CARF: variants seen among roughly 807,000 people sequenced by gnomAD.
The protein encoded by CARF is calcium-responsive transcription factor.
A neutral mutation model predicts 82.0 loss-of-function variants in CARF; 57 were observed. The ratio of observed to expected loss-of-function variants is 0.70; its 90% CI spans 0.56 to 0.87. The LOEUF (loss-of-function observed/expected upper bound fraction) is 0.87, where lower values mean the gene tolerates loss of function less well. Ranked by LOEUF, CARF falls within the 40% of genes least tolerant of loss-of-function variation. The probability of loss-of-function intolerance (pLI) is 0.00; values close to 1 mark genes in which losing one functional copy is unlikely to be tolerated. For missense variants in CARF, 771 were observed against 855.8 expected (o/e 0.90, Z 1.24); for synonymous variants, 268 against 290.1 (o/e 0.92, Z 0.77).
Position 202,977,350 on chromosome 2 carries a change from C to T in CARF, c.1558+18C>T. ...TGCAGAAGGTAGGTTTTCTTGAATA[C>T]CTTTAAAATATAAATTCAAATGGTG... On this transcript the variant is annotated intron_variant, in intron 14 of 16. Transcript: ENST00000438828. 6 of 1,561,956 alleles carry T rather than the reference C, an allele frequency of 3.8e-6. No individual in the cohort carries two copies. Among genetic ancestry groups the T allele is most frequent in the Non-Finnish European group, 5.3e-6 (6 of 1,135,648 alleles).
chr2:202,942,613 G>T (rs1422584154), intron 4 of CARF, 127 bp from the exon 5 acceptor site: 17 of 1,005,494 alleles, frequency 1.7e-5, no homozygotes, highest in Non-Finnish European at 2.2e-5. Flanking sequence ...ATAGCAATTT[G>T]TGTGAATTGA....
At chr2:202,980,680 A>G (rs1484150492) in intron 14 of CARF, among the ~76,000 whole-genome samples, 9 of 114,990 alleles carry the variant, frequency 7.8e-5, no homozygotes, top group African/African-American at 2.1e-4. Flanking sequence ...CTCTGTATCT[A>G]TGGGTTCTGT....
chr2:202,981,939 C>G, intron 15 of CARF, 133 bp from the exon 16 acceptor site: 1 of 1,054,056 alleles, frequency 9.5e-7, no homozygotes, highest in Non-Finnish European at 1.3e-6. Flanking sequence ...TTGTTTCTTT[C>G]TTCATTTAAT....
At chr2:202,940,114 A>G (rs1008355351) in intron 3 of CARF, among the ~76,000 whole-genome samples, 20 of 151,886 alleles carry the variant, frequency 1.3e-4, no homozygotes, top group African/African-American at 4.8e-4. Flanking sequence ...GCTCACTGCA[A>G]CCTCCACCTC....
At position 202,964,479 on chromosome 2, in the gene CARF, C is replaced by T. The variant is rs868513728; in HGVS notation, c.833-2499C>T. Among the ~76,000 whole-genome samples the T allele has an allele frequency of 2.2e-4, 34 of 152,062 alleles. No homozygotes were observed. In the Middle Eastern group the frequency reaches 0.014, roughly 61 times the overall value. ...ATTTTTTTGGAGAGATGAGGTTTTG[C>T]CATGTTGCCTCGGCTGGTCTCAAAC... is the stretch of plus-strand genomic sequence containing the variant. On this transcript the variant is annotated intron_variant, in intron 9 of 16. Coordinates refer to ENST00000438828, the MANE Select transcript of CARF (RefSeq NM_024744.17).
intron 3 of CARF, among the ~76,000 whole-genome samples, chr2:202,931,461 A>G (rs1203293111): frequency 2.0e-5 from 3 of 152,228 alleles, no homozygotes; most frequent in Admixed American, 6.5e-5. Flanking sequence ...CCGTGTGAGC[A>G]GTTGGTGCCC....
At chr2:202,943,154 C>CAAGT (rs1376382944) in intron 5 of CARF, among the ~76,000 whole-genome samples, 187 bp downstream of exon 5, 1 of 152,174 alleles carries the variant, frequency 6.6e-6, no homozygotes, top group Non-Finnish European at 1.5e-5. Context: ...TCACTGCAAC[C>CAAGT]TCTGCCTTCC....
intron 3 of CARF, among the ~76,000 whole-genome samples, chr2:202,935,315 T>C (rs901304835): frequency 2.0e-4 from 11 of 55,620 alleles, no homozygotes; most frequent in African/African-American, 5.3e-4. Flanking sequence ...TATATTTATA[T>C]TTGTATATTT....
At chr2:202,975,254 G>C (rs2105925415) in intron 13 of CARF, among the ~76,000 whole-genome samples, 1 of 152,302 alleles carries the variant, frequency 6.6e-6, no homozygotes, top group East Asian at 1.9e-4. Flanking sequence ...AGAAGATAAA[G>C]ACCATCCTGG....
chr2:202,982,507 C>T, intron 16 of CARF, 66 bp downstream of exon 16: 1 of 1,536,960 alleles, frequency 6.5e-7, no homozygotes. Flanking sequence ...CTATATTATA[C>T]TATAGATAAA....
chr2:202,971,382 A>G (rs1054844707), intron 11 of CARF, 123 bp from the exon 12 acceptor site: 3 of 469,950 alleles, frequency 6.4e-6, no homozygotes, highest in African/African-American at 5.9e-5. Flanking sequence ...ATTTTTTCTT[A>G]AAGGATTAAT....
intron 3 of CARF, among the ~76,000 whole-genome samples, chr2:202,926,449 A>G (rs1401292145): frequency 2.0e-5 from 3 of 152,174 alleles, no homozygotes; most frequent in Admixed American, 2.0e-4. Flanking sequence ...TATTCTGTCC[A>G]TTGATCTATT....
At chr2:202,930,998 G>A (rs148717358) in intron 3 of CARF, among the ~76,000 whole-genome samples, 68 of 135,688 alleles carry the variant, frequency 5.0e-4, no homozygotes, top group African/African-American at 1.8e-3. Context: ...TTTGGCAACG[G>A]AGTTTCACTC....
chr2:202,973,347 G>A (rs190342419), intron 12 of CARF: 35 of 356,402 alleles, frequency 9.8e-5, no homozygotes, highest in South Asian at 7.1e-4. Flanking sequence ...ACAGTTCTGC[G>A]ATTTGGTCCA....
At chr2:202,931,065 C>A (rs1276733051) in intron 3 of CARF, among the ~76,000 whole-genome samples, 2 of 151,150 alleles carry the variant, frequency 1.3e-5, no homozygotes, top group South Asian at 2.1e-4. Flanking sequence ...ACCTCCACCC[C>A]CTGATTCAAG....
chr2:202,948,442 G>T (rs1006366604), intron 5 of CARF, among the ~76,000 whole-genome samples: 3 of 152,134 alleles, frequency 2.0e-5, no homozygotes, highest in Non-Finnish European at 2.9e-5. Flanking sequence ...ATTGCTTTGC[G>T]CAGTGTGGCC....
rs1387452310 is a variant in CARF, at chr2:202,912,843, T to C, written c.-589T>C. ...TCTTTTTCCGCTTTCTGAGCCCTTTTATACCTTACGTTTAGAAGGGGAAAA... is the reference window on the plus strand; with the variant it reads ...TCTTTTTCCGCTTTCTGAGCCCTTTCATACCTTACGTTTAGAAGGGGAAAA... On this transcript the variant is annotated 5_prime_UTR_variant, in exon 1 of 17. Transcript: ENST00000438828. 1 of 152,118 alleles carries C rather than the reference T, an allele frequency of 6.6e-6. No homozygotes were observed. Among genetic ancestry groups the C allele is most frequent in the Non-Finnish European group, 1.5e-5 (1 of 68,018 alleles). 9.4% of individuals were successfully genotyped at this position (152,118 alleles called of 1,614,324 possible).
At chr2:202,975,324 G>T (rs2059980527) in intron 13 of CARF, among the ~76,000 whole-genome samples, 1 of 152,114 alleles carries the variant, frequency 6.6e-6, no homozygotes, top group Admixed American at 6.5e-5. Flanking sequence ...GGTGCCTGTA[G>T]TCCCAGCTAC....
In CARF at chr2:202,982,318, G is replaced by A. The variant is rs772628105; in HGVS notation, c.1936G>A (p.Asp646Asn). 3 of 1,614,038 alleles carry A rather than the reference G, an allele frequency of 1.9e-6. No individual in the cohort carries two copies. The highest frequency in any genetic ancestry group is 2.5e-6 in the Non-Finnish European group (3 of 1,180,020). ...PEPDQNLVAMDELVEVGDVED... is the reference protein window; with the variant it reads ...PEPDQNLVAMNELVEVGDVED... ...ACCAGATCAAAATCTAGTTGCAATGGACGAGCTGGTAGAAGTTGGAGATGT... is the reference window on the plus strand; with the variant it reads ...ACCAGATCAAAATCTAGTTGCAATGAACGAGCTGGTAGAAGTTGGAGATGT... The change falls in exon 16 of 17, where the codon GAC (aspartate) becomes AAC (asparagine). Residue 646 changes from aspartate (D) to asparagine (N), a missense_variant. Asp to Asn is a conservative substitution (Grantham distance 23). Transcript: ENST00000438828.
Sources: gnomAD v4.1 joint callset for allele counts (sites outside exome capture counted in the v4.1 genomes callset) on GRCh38, gnomAD v4.1.1 for gene constraint, MANE v1.5 for transcripts, NCBI Gene and HGNC (gene_info 2026-07-23, HGNC 2026-07-21) for gene names.